Variants in CRISP1 observed in about 807,000 individuals in gnomAD.
CRISP1 encodes the protein cysteine rich secretory protein 1, also known as cysteine-rich secretory protein 1.
In CRISP1, 44 loss-of-function variants were observed where a neutral mutation model predicts 33.1. The ratio of observed to expected loss-of-function variants is 1.33; its 90% CI spans 1.05 to 1.71. CRISP1 has a LOEUF of 1.71. Ranked by LOEUF, CRISP1 falls within the 40% of genes most tolerant of loss-of-function variation. The pLI is 0.00. For missense variants in CRISP1, 390 were observed against 301.2 expected, an observed-to-expected ratio of 1.29 and a Z score of -2.18; for synonymous variants, 103 against 98.7, an observed-to-expected ratio of 1.04 and a Z score of -0.26.
chr6:49,845,250 G>A (rs2127471618), intron 5 of CRISP1, among the ~76,000 whole-genome samples: 1 of 152,170 alleles, frequency 6.6e-6, no homozygotes, highest in South Asian at 2.1e-4. Context: ...TTGCTCTTAT[G>A]GTCTCTCTTG....
At position 49,834,670 on chromosome 6, in the gene CRISP1, C is replaced by T. The variant is rs1418795559; in HGVS notation, c.*646G>A. The T allele has an allele frequency of 6.6e-6, 1 of 152,006 alleles. No homozygotes were observed. Among genetic ancestry groups the T allele is most frequent in the African/African-American group, 2.4e-5 (1 of 41,374 alleles). 9.4% of individuals were successfully genotyped at this position (152,006 alleles called of 1,614,324 possible). ...CAATGAAATGAAACTATATTCCTTC[C>T]ATATATATAAACATGCATCTTGTAT... On this transcript the variant is annotated 3_prime_UTR_variant, in exon 8 of 8. Coordinates refer to ENST00000335847, the MANE Select transcript of CRISP1 (RefSeq NM_001131.3).
At chr6:49,851,896 G>T in intron 3 of CRISP1, 105 bp downstream of exon 3, 1 of 1,307,934 alleles carries the variant, frequency 7.6e-7, no homozygotes. Context: ...GATTTGTTGT[G>T]AAGATAAAAC....
chr6:49,852,421 G>A (rs1771376411), intron 2 of CRISP1, among the ~76,000 whole-genome samples: 1 of 151,932 alleles, frequency 6.6e-6, no homozygotes, highest in Non-Finnish European at 1.5e-5. Flanking sequence ...ACTTTTTATT[G>A]GGCAATAAGA....
rs145182933 is a variant in CRISP1 at position 49,846,054 on chromosome 6, C to T, written c.435+466G>A. Among the ~76,000 whole-genome samples the T allele has an allele frequency of 4.4e-3, 665 of 152,172 alleles. 5 individuals are homozygous for T. Among genetic ancestry groups the T allele is most frequent in the African/African-American group, 0.015 (627 of 41,522 alleles). ...GTTTGGGAAAATGAAAATATTCTGG[C>T]GATGGCGTTGCACAACGATTTGAGT... is the stretch of plus-strand genomic sequence containing the variant. On this transcript the variant is annotated intron_variant, in intron 5 of 7. Transcript: ENST00000335847.
chr6:49,838,113 G>A (rs1259506618), intron 7 of CRISP1, among the ~76,000 whole-genome samples: 1 of 151,782 alleles, frequency 6.6e-6, no homozygotes, highest in South Asian at 2.1e-4. Context: ...GTTGCAGTAA[G>A]GGGGTCCAAG....
intron 7 of CRISP1, among the ~76,000 whole-genome samples, chr6:49,837,003 C>T (rs990276336): frequency 1.1e-4 from 17 of 151,844 alleles, no homozygotes; most frequent in African/African-American, 3.9e-4. Flanking sequence ...TTAGCAGTAA[C>T]ATATATTTTC....
At chr6:49,844,340 T>C (rs1293281702) in intron 5 of CRISP1, among the ~76,000 whole-genome samples, 1 of 152,160 alleles carries the variant, frequency 6.6e-6, no homozygotes, top group Admixed American at 6.5e-5. Flanking sequence ...CTTCTTAGAC[T>C]CTTCAGAATG....
At chr6:49,868,184 G>A (rs1331032518), upstream of CRISP1, among the ~76,000 whole-genome samples, 1 of 152,136 alleles carries the variant, frequency 6.6e-6, no homozygotes, top group East Asian at 1.9e-4. Context: ...AATTTGGGAA[G>A]TGTTGGAAAG....
Position 49,835,316 on chromosome 6 carries a change from C to G in CRISP1, c.750G>C (p.Ter250TyrextTer11). The G allele has an allele frequency of 6.2e-7, 1 of 1,613,180 alleles. No homozygotes were observed. The highest frequency in any genetic ancestry group is 8.5e-7 in the Non-Finnish European group (1 of 1,179,556). The change falls in exon 8 of 8, where the codon TAG becomes TAC. Residue 250 changes from the stop codon to tyrosine (Y), a stop_lost. Coordinates refer to ENST00000335847, the MANE Select transcript of CRISP1 (RefSeq NM_001131.3). ...ATCLCDTEIK* is the reference protein window; with the variant it reads ...ATCLCDTEIKY ...TAGAACAGTTGAAAATAACAAAGAC[C>G]TATTTTATCTCAGTGTCACACAGAC...
chr6:49,857,448 A>G (rs751989422), intron 1 of CRISP1, 46 bp from the exon 2 acceptor site: 44 of 1,541,752 alleles, frequency 2.9e-5, no homozygotes, highest in Non-Finnish European at 3.8e-5. Context: ...AATTCATGGG[A>G]TAACATCTGG....
At chr6:49,873,326 T>C (rs1771968094) in intron 1 of CRISP1, among the ~76,000 whole-genome samples, 1 of 152,054 alleles carries the variant, frequency 6.6e-6, no homozygotes, top group African/African-American at 2.4e-5. Flanking sequence ...TGAGTAAAAT[T>C]GCAGATCTCA....
At chr6:49,866,061 C>T (rs892151625) in intron 1 of CRISP1, among the ~76,000 whole-genome samples, 5 of 152,160 alleles carry the variant, frequency 3.3e-5, no homozygotes, top group East Asian at 1.9e-4. Flanking sequence ...CCCCTTATTA[C>T]TGGCTAATTC....
Position 49,835,308 on chromosome 6 carries a change from A to T in CRISP1, c.*8T>A. On this transcript the variant is annotated 3_prime_UTR_variant, in exon 8 of 8. Transcript: ENST00000335847. Reference sequence around the variant, plus strand: ...TCACAGCATAGAACAGTTGAAAATAACAAAGACCTATTTTATCTCAGTGTC... The same window carrying T: ...TCACAGCATAGAACAGTTGAAAATATCAAAGACCTATTTTATCTCAGTGTC... 1.2e-6 allele frequency: 2 copies of T among 1,613,426 alleles called. No homozygotes were observed. The highest frequency in any genetic ancestry group is 1.7e-6 in the Non-Finnish European group (2 of 1,179,672).
Position 49,865,773 on chromosome 6 carries a change from A to C in CRISP1, c.-3+656T>G, listed in dbSNP as rs909692182. On this transcript the variant is annotated intron_variant, in intron 1 of 7. Coordinates refer to ENST00000335847, the MANE Select transcript of CRISP1 (RefSeq NM_001131.3). ...CAAAAGTTGTGTAATTTACAAGTCC[A>C]AGACCTAGCATGAAGACCCTGGAGA... is the stretch of plus-strand genomic sequence containing the variant. Among the ~76,000 whole-genome samples, 4 of 152,108 alleles carry C rather than the reference A, an allele frequency of 2.6e-5. No individual in the cohort carries two copies. The East Asian group carries it at 7.7e-4, about 29-fold the overall frequency.
intron 2 of CRISP1, among the ~76,000 whole-genome samples, chr6:49,852,706 C>T (rs1164335086): frequency 6.6e-6 from 1 of 152,130 alleles, no homozygotes; most frequent in African/African-American, 2.4e-5. Context: ...GAGAGTAAAA[C>T]ATAGAATTCA....
upstream of CRISP1, among the ~76,000 whole-genome samples, chr6:49,870,357 T>G (rs905799465): frequency 2.6e-5 from 4 of 152,074 alleles, no homozygotes; most frequent in Non-Finnish European, 4.4e-5. Flanking sequence ...ATAATACCAG[T>G]ATGGACAATA....
upstream of CRISP1, among the ~76,000 whole-genome samples, chr6:49,871,342 A>G (rs1771918564): frequency 6.6e-6 from 1 of 152,144 alleles, no homozygotes; most frequent in South Asian, 2.1e-4. Context: ...TAGACATAGT[A>G]ATGAGGACAA....
chr6:49,876,855 G>C (rs1005409026), intron 1 of CRISP1, among the ~76,000 whole-genome samples: 1 of 151,820 alleles, frequency 6.6e-6, no homozygotes, highest in East Asian at 1.9e-4. Flanking sequence ...GGACACATGA[G>C]GGGGAACAAC....
chr6:49,863,189 TG>T (rs1413509486), intron 1 of CRISP1, among the ~76,000 whole-genome samples: 4 of 152,134 alleles, frequency 2.6e-5, no homozygotes, highest in African/African-American at 9.7e-5. Flanking sequence ...GAACAGAGTT[TG>T]TGAGGGTGAA....
Sources: gnomAD v4.1 joint callset for allele counts (sites outside exome capture counted in the v4.1 genomes callset) on GRCh38, gnomAD v4.1.1 for gene constraint, MANE v1.5 for transcripts, NCBI Gene and HGNC (gene_info 2026-07-23, HGNC 2026-07-21) for gene names.